The following DLG2 variants were observed in gnomAD, a reference collection of about 807,000 sequenced individuals.
The protein encoded by DLG2 is discs large MAGUK scaffold protein 2.
A neutral mutation model predicts 132.5 loss-of-function variants in DLG2; 45 were observed. That is an observed-to-expected ratio of 0.34 (90% CI 0.27 to 0.44). DLG2 has a LOEUF of 0.44. DLG2 is among the 20% of genes least tolerant of loss of function. The probability of loss-of-function intolerance (pLI) is 1.00; values close to 1 mark genes in which losing one functional copy is unlikely to be tolerated. For missense variants in DLG2, 1,045 were observed against 1,196.9 expected, an observed-to-expected ratio of 0.87 and a Z score of 1.87; for synonymous variants, 424 against 419.6, an observed-to-expected ratio of 1.01 and a Z score of -0.13.
intron 11 of DLG2, among the ~76,000 whole-genome samples, chr11:84,058,867 A>G (rs1030531046): frequency 1.3e-5 from 2 of 152,050 alleles, no homozygotes; most frequent in African/African-American, 4.8e-5. Context: ...ATTGGGTACA[A>G]CACATAAGAA....
chr11:83,499,702 C>T (rs918007154), intron 21 of DLG2, among the ~76,000 whole-genome samples: 14 of 149,880 alleles, frequency 9.3e-5, no homozygotes, highest in African/African-American at 2.9e-4. Context: ...GACTGGCTCT[C>T]CTTGCTCCTC....
At chr11:83,632,642 T>C (rs944045999) in intron 19 of DLG2, 1 of 152,196 alleles carries the variant, frequency 6.6e-6, no homozygotes, top group African/African-American at 2.4e-5. Context: ...CTTTTTCTGG[T>C]AAATTGATGA....
intron 19 of DLG2, 167 bp downstream of exon 19, chr11:83,633,044 A>T (rs1172139281): frequency 1.5e-5 from 9 of 593,486 alleles, no homozygotes; most frequent in Non-Finnish European, 2.4e-5. Flanking sequence ...TTAATCTAAT[A>T]ACATTTCAAA....
At chr11:83,896,871 A>G (rs991899707) in intron 15 of DLG2, among the ~76,000 whole-genome samples, 1 of 152,196 alleles carries the variant, frequency 6.6e-6, no homozygotes, top group Middle Eastern at 3.2e-3. Flanking sequence ...TGTATAATAA[A>G]TCAGTCTAGG....
At chr11:85,160,989 T>C (rs2077985009) in intron 4 of DLG2, among the ~76,000 whole-genome samples, 1 of 152,116 alleles carries the variant, frequency 6.6e-6, no homozygotes, top group South Asian at 2.1e-4. Flanking sequence ...ACCAGATGTG[T>C]GATTATATGC....
At chr11:84,637,450 C>T (rs1436809947) in intron 6 of DLG2, among the ~76,000 whole-genome samples, 1 of 152,106 alleles carries the variant, frequency 6.6e-6, no homozygotes, top group Admixed American at 6.5e-5. Context: ...TTTCAGCATC[C>T]CCCATAGGTT....
chr11:85,046,838 T>C (rs2062392932), intron 6 of DLG2, among the ~76,000 whole-genome samples: 1 of 151,886 alleles, frequency 6.6e-6, no homozygotes, highest in South Asian at 2.1e-4. Flanking sequence ...CCATCCTGTA[T>C]ATGTAATACC....
chr11:83,722,234 T>C (rs1246742747), intron 18 of DLG2, among the ~76,000 whole-genome samples: 1 of 152,178 alleles, frequency 6.6e-6, no homozygotes, highest in African/African-American at 2.4e-5. Flanking sequence ...TCATTGATCA[T>C]TATGGTTTCA....
chr11:84,952,935 C>T (rs1030189939), intron 6 of DLG2, among the ~76,000 whole-genome samples: 2 of 152,206 alleles, frequency 1.3e-5, no homozygotes, highest in Admixed American at 6.5e-5. Flanking sequence ...GCCTTTTCAA[C>T]TTTATTTTCT....
intron 4 of DLG2, among the ~76,000 whole-genome samples, chr11:85,164,378 T>G (rs1026372075): frequency 6.6e-6 from 1 of 152,096 alleles, no homozygotes; most frequent in African/African-American, 2.4e-5. Context: ...CAGTGAGATT[T>G]ACAACCTTCC....
intron 7 of DLG2, among the ~76,000 whole-genome samples, chr11:84,375,298 T>C (rs1246516142): frequency 6.6e-6 from 1 of 152,156 alleles, no homozygotes; most frequent in Non-Finnish European, 1.5e-5. Flanking sequence ...ATACAAGACA[T>C]ATGATTTCTG....
chr11:84,094,083 T>C (rs945113080), intron 10 of DLG2, among the ~76,000 whole-genome samples: 1 of 152,124 alleles, frequency 6.6e-6, no homozygotes, highest in Non-Finnish European at 1.5e-5. Context: ...TAAGCGTCGT[T>C]GTTGTTTTTC....
intron 15 of DLG2, among the ~76,000 whole-genome samples, chr11:83,893,283 G>A (rs1475615359): frequency 6.6e-6 from 1 of 152,168 alleles, no homozygotes; most frequent in Non-Finnish European, 1.5e-5. Flanking sequence ...CCAACTCACA[G>A]AAAACCTCTC....
At chr11:85,413,343 C>A (rs1456519188) in intron 3 of DLG2, among the ~76,000 whole-genome samples, 1 of 152,010 alleles carries the variant, frequency 6.6e-6, no homozygotes. Flanking sequence ...TTTTTTCCCA[C>A]TCTGTGGGTT....
chr11:85,012,417 G>A (rs867625664), intron 6 of DLG2, among the ~76,000 whole-genome samples: 9 of 151,258 alleles, frequency 6.0e-5, no homozygotes, highest in African/African-American at 9.8e-5. Context: ...CCAGCTACTT[G>A]GGAGGCTGAG....
Position 84,530,611 on chromosome 11 carries a change from A to C in DLG2, c.519+3959T>G, listed in dbSNP as rs1266850657. On this transcript the variant is annotated intron_variant, in intron 7 of 27. Transcript: ENST00000376104. The stretch of plus-strand genomic sequence containing the variant: ...CACCAGTTAGAATGGCTTTTATAAA[A>C]CGTCAAAAAATAACAGATGTTGGTG... Among the ~76,000 whole-genome samples the C allele has an allele frequency of 4.6e-5, 7 of 152,338 alleles. No individual in the cohort carries two copies. In the East Asian group the frequency reaches 1.2e-3, roughly 25 times the overall value.
chr11:85,530,288 G>C (rs752285274), intron 3 of DLG2, among the ~76,000 whole-genome samples: 1 of 150,262 alleles, frequency 6.7e-6, no homozygotes, highest in Admixed American at 6.6e-5. Flanking sequence ...AAGCCACTGC[G>C]CCTGGCCTTT....
chr11:84,851,651 G>A (rs759939051), intron 6 of DLG2, among the ~76,000 whole-genome samples: 4 of 152,012 alleles, frequency 2.6e-5, no homozygotes, highest in Non-Finnish European at 5.9e-5. Context: ...AGTTGATGGA[G>A]GGTGTAGTCT....
At chr11:84,921,564 C>T (rs1306148001) in intron 6 of DLG2, among the ~76,000 whole-genome samples, 1 of 152,044 alleles carries the variant, frequency 6.6e-6, no homozygotes, top group Admixed American at 6.5e-5. Context: ...AAGAAATTTC[C>T]CAAAGCCCAT....
Sources: gnomAD v4.1 joint callset for allele counts (sites outside exome capture counted in the v4.1 genomes callset) on GRCh38, gnomAD v4.1.1 for gene constraint, MANE v1.5 for transcripts, NCBI Gene and HGNC (gene_info 2026-07-23, HGNC 2026-07-21) for gene names.